NDUFAF5: variants seen among roughly 807,000 people sequenced by gnomAD.
The protein encoded by NDUFAF5 is NADH:ubiquinone oxidoreductase complex assembly factor 5.
In NDUFAF5, 34 loss-of-function variants were observed where a neutral mutation model predicts 48.9. The observed-to-expected ratio is 0.70, with a 90% CI of 0.53 to 0.93. The LOEUF (loss-of-function observed/expected upper bound fraction) is 0.93, where lower values mean the gene tolerates loss of function less well. NDUFAF5 is among the 40% of genes least tolerant of loss of function. NDUFAF5 has a pLI of 0.00. For missense variants in NDUFAF5, 428 were observed against 427.5 expected (o/e 1.00, Z -0.01); for synonymous variants, 153 against 150.6 (o/e 1.02, Z -0.12).
chr20:13,812,450 G>A (rs1005637060), intron 8 of NDUFAF5, among the ~76,000 whole-genome samples: 5 of 152,030 alleles, frequency 3.3e-5, no homozygotes, highest in African/African-American at 7.2e-5. Flanking sequence ...TATATCACTC[G>A]GGCTCTAATA....
intron 1 of NDUFAF5, 86 bp from the exon 2 acceptor site, chr20:13,787,226 T>G: frequency 7.0e-7 from 1 of 1,437,336 alleles, no homozygotes; most frequent in Admixed American, 1.7e-5. Flanking sequence ...AGTACTTATT[T>G]TAAAACATAA....
At chr20:13,814,546 C>G in intron 8 of NDUFAF5, 29 of 1,057,574 alleles carry the variant, frequency 2.7e-5, no homozygotes, top group Non-Finnish European at 3.5e-5. Flanking sequence ...AAACAATACT[C>G]AGTATTGTTT....
Position 13,821,296 on chromosome 20 carries a change from ACT to A in NDUFAF5, c.*4093_*4094del, listed in dbSNP as rs1986966194. The stretch of plus-strand genomic sequence containing the variant: ...TAATAAAAGGCATTGCATCCTCCTT[ACT>A]CTCTCTTGGATCCTTCACTCTAGGG... On this transcript the variant is annotated 3_prime_UTR_variant, in exon 11 of 11. Transcript: ENST00000378106. 6.6e-6 allele frequency: 1 copy of A among 152,036 alleles called. No homozygotes were observed. Among genetic ancestry groups the A allele is most frequent in the Admixed American group, 6.5e-5 (1 of 15,270 alleles). The allele number at this position is 152,036 out of a possible 1,614,324, so 9.4% of individuals were successfully genotyped here. A position where few individuals can be genotyped will look rare whatever the true frequency, so the allele number is the denominator to read the frequency against.
At chr20:13,816,781 G>T in intron 9 of NDUFAF5, 94 bp from the exon 10 acceptor site, 1 of 845,710 alleles carries the variant, frequency 1.2e-6, no homozygotes. Flanking sequence ...AAGTATCCTT[G>T]TACCCATTTC....
At chr20:13,795,313 G>A (rs1341750266) in intron 5 of NDUFAF5, among the ~76,000 whole-genome samples, 1 of 152,062 alleles carries the variant, frequency 6.6e-6, no homozygotes, top group Admixed American at 6.5e-5. Context: ...AAAATAATAA[G>A]TTACATTGGG....
chr20:13,809,681 C>CTTAGAGAGGTAATAG (rs1222353555), intron 8 of NDUFAF5, among the ~76,000 whole-genome samples: 3 of 152,192 alleles, frequency 2.0e-5, no homozygotes, highest in African/African-American at 7.2e-5. Context: ...GTAACAGTAT[C>CTTAGAGAGGTAATAG]AGACTTGGAT....
chr20:13,785,318 G>A, intron 1 of NDUFAF5, 28 bp downstream of exon 1: 2 of 1,565,246 alleles, frequency 1.3e-6, no homozygotes, highest in South Asian at 1.1e-5. Context: ...CGGGGCGGCG[G>A]GGCGGGCGAC....
rs534613209 is a variant in NDUFAF5 at position 13,816,876 on chromosome 20, A to C, written c.864A>C (p.Glu288Asp). Reference sequence around the variant, plus strand: ...CTTTAACCATTATTGTCTTTTTAGAAATGTACAGAAATGAAGATGGTTCAG... The same window carrying C: ...CTTTAACCATTATTGTCTTTTTAGACATGTACAGAAATGAAGATGGTTCAG... ...TMLAAAAVYR[E>D]MYRNEDGSVP... The change falls in exon 10 of 11, where the codon GAA becomes GAC. Residue 288 changes from glutamate to aspartate, a missense_variant and splice_region_variant. Glu to Asp is a conservative substitution (Grantham distance 45). Transcript: ENST00000378106. 130 of 1,601,172 alleles carry C rather than the reference A, an allele frequency of 8.1e-5. 1 individual carries two copies. The South Asian group carries it at 8.9e-4, about 11-fold the overall frequency.
chr20:13,811,928 A>G, intron 8 of NDUFAF5, among the ~76,000 whole-genome samples: 1 of 152,216 alleles, frequency 6.6e-6, no homozygotes, highest in East Asian at 1.9e-4. Context: ...ATCCTGAAAA[A>G]TTGTAAGATG....
intron 7 of NDUFAF5, among the ~76,000 whole-genome samples, chr20:13,804,791 A>G (rs1337562333): frequency 6.6e-6 from 1 of 152,190 alleles, no homozygotes; most frequent in Non-Finnish European, 1.5e-5. Flanking sequence ...ATAGCAGTGA[A>G]CAAAACAGAA....
chr20:13,799,709 A>AATAAG, intron 6 of NDUFAF5, among the ~76,000 whole-genome samples: 1 of 148,606 alleles, frequency 6.7e-6, no homozygotes, highest in East Asian at 2.0e-4. Context: ...AAAAAAAAAA[A>AATAAG]AAAGAAAGAA....
intron 7 of NDUFAF5, among the ~76,000 whole-genome samples, chr20:13,802,257 G>T (rs112467122): frequency 0.023 from 3,564 of 152,260 alleles, 122 homozygotes; most frequent in African/African-American, 0.078. Flanking sequence ...GTACGGTGAC[G>T]GGGTAGGACA....
At chr20:13,789,850 G>A (rs964694324) in intron 3 of NDUFAF5, among the ~76,000 whole-genome samples, 1 of 152,166 alleles carries the variant, frequency 6.6e-6, no homozygotes, top group East Asian at 1.9e-4. Flanking sequence ...GAAGGGAGTG[G>A]TGGGGCTCCT....
chr20:13,817,390 G>T lies in NDUFAF5; in HGVS notation c.*180G>T. ...ACCATTTCAGTTTCATATTGTTTCT[G>T]TTCTCATAAGGATACTGCTGAGTGT... is the stretch of plus-strand genomic sequence containing the variant. On this transcript the variant is annotated 3_prime_UTR_variant, in exon 11 of 11. Transcript: ENST00000378106. 1.4e-6 allele frequency: 1 copy of T among 696,576 alleles called. No homozygotes were observed. The highest frequency in any genetic ancestry group is 1.5e-5 in the South Asian group (1 of 67,278). The allele number at this position is 696,576 out of a possible 1,614,324, so 43.1% of individuals were successfully genotyped here.
chr20:13,789,950 G>A (rs1410646947), intron 3 of NDUFAF5, among the ~76,000 whole-genome samples: 2 of 152,192 alleles, frequency 1.3e-5, no homozygotes, highest in Non-Finnish European at 2.9e-5. Flanking sequence ...AAAATCAGTA[G>A]GAGTTCATGT....
At chr20:13,788,080 CT>C (rs1349179248) in intron 2 of NDUFAF5, among the ~76,000 whole-genome samples, 1 of 152,164 alleles carries the variant, frequency 6.6e-6, no homozygotes, top group African/African-American at 2.4e-5. Flanking sequence ...GCTTCAGACA[CT>C]TAGCACAGTA....
chr20:13,803,104 A>C (rs1425287821), intron 7 of NDUFAF5: 2 of 152,250 alleles, frequency 1.3e-5, no homozygotes, highest in African/African-American at 2.4e-5. Flanking sequence ...TCATGAAATC[A>C]ACCAACCAAA....
rs1411452421 is a variant in NDUFAF5, at chr20:13,821,053, C to T, written c.*3843C>T. 3 of 152,316 alleles carry T rather than the reference C, an allele frequency of 2.0e-5. No individual in the cohort carries two copies. The highest frequency in any genetic ancestry group is 2.4e-5 in the African/African-American group (1 of 41,570). 9.4% of individuals were successfully genotyped at this position (152,316 alleles called of 1,614,324 possible). ...TATTTTACCATGCTGGTTTAAAAAA[C>T]ATCAATTTGAAAATACTAGAAGGTG... On this transcript the variant is annotated 3_prime_UTR_variant, in exon 11 of 11. Coordinates refer to ENST00000378106, the MANE Select transcript of NDUFAF5 (RefSeq NM_024120.5).
At position 13,798,483 on chromosome 20, in the gene NDUFAF5, C is replaced by T. The variant is rs894455128; in HGVS notation, c.502C>T (p.Pro168Ser). 6.2e-7 allele frequency: 1 copy of T among 1,611,786 alleles called. No individual in the cohort carries two copies. Among genetic ancestry groups the T allele is most frequent in the South Asian group, 1.1e-5 (1 of 91,026 alleles). ...SLSLHWVNDLPRALEQIHYIL... is the reference protein window; with the variant it reads ...SLSLHWVNDLSRALEQIHYIL... Reference sequence around the variant, plus strand: ...TAGTTTGCATTGGGTGAATGACCTTCCTAGAGCACTTGAGCAGGTAAGAAA... The same window carrying T: ...TAGTTTGCATTGGGTGAATGACCTTTCTAGAGCACTTGAGCAGGTAAGAAA... The change falls in exon 6 of 11, where the codon CCT (proline) becomes TCT (serine). Residue 168 changes from proline to serine, a missense_variant. Pro to Ser is a moderately conservative substitution (Grantham distance 74). Coordinates refer to ENST00000378106, the MANE Select transcript of NDUFAF5 (RefSeq NM_024120.5).
Sources: gnomAD v4.1 joint callset for allele counts (sites outside exome capture counted in the v4.1 genomes callset) on GRCh38, gnomAD v4.1.1 for gene constraint, MANE v1.5 for transcripts, NCBI Gene and HGNC (gene_info 2026-07-23, HGNC 2026-07-21) for gene names.